The following RBFOX1 variants were observed in gnomAD, a reference collection of about 807,000 sequenced individuals.
The protein encoded by RBFOX1 is RNA binding protein fox-1 homolog 1.
A neutral mutation model predicts 57.7 loss-of-function variants in RBFOX1; 8 were observed. The ratio of observed to expected loss-of-function variants is 0.14; its 90% CI spans 0.08 to 0.25. The LOEUF (loss-of-function observed/expected upper bound fraction) is 0.25. Among genes scored for constraint, RBFOX1 ranks in the 10% least tolerant of loss-of-function variants. The pLI is 1.00. For synonymous variants in RBFOX1, 326 were observed against 222.4 expected (o/e 1.47, Z -4.15); for missense variants, 611 against 548.5 (o/e 1.11, Z -1.14).
chr16:7,158,058 T>C (rs925345974), intron 4 of RBFOX1, among the ~76,000 whole-genome samples: 4 of 152,170 alleles, frequency 2.6e-5, no homozygotes, highest in African/African-American at 7.2e-5. Context: ...CTTGAAAAAC[T>C]ACAGGGTTGG....
intron 4 of RBFOX1, among the ~76,000 whole-genome samples, chr16:7,212,938 G>A (rs1035664367): frequency 3.3e-5 from 5 of 152,254 alleles, no homozygotes; most frequent in Admixed American, 1.3e-4. Context: ...AGCTCTTACC[G>A]TGCCACTCAT....
chr16:7,248,334 G>T (rs1397947459), intron 4 of RBFOX1, among the ~76,000 whole-genome samples: 1 of 152,188 alleles, frequency 6.6e-6, no homozygotes, highest in Non-Finnish European at 1.5e-5. Context: ...GGACCGTGCT[G>T]TTGGCCATTT....
intron 3 of RBFOX1, among the ~76,000 whole-genome samples, chr16:6,855,858 CCTTTCTTCCCTG>C (rs1443017755): frequency 3.9e-5 from 2 of 51,004 alleles, no homozygotes; most frequent in Non-Finnish European, 7.4e-5. Context: ...TCCCTCCCTT[CCTTTCTTCCCTG>C]CTTTCTTCCC....
intron 1 of RBFOX1, among the ~76,000 whole-genome samples, chr16:6,114,587 G>C (rs2096480002): frequency 6.6e-6 from 1 of 152,126 alleles, no homozygotes; most frequent in African/African-American, 2.4e-5. Flanking sequence ...GTAACTTATG[G>C]ACTACTAACA....
intron 4 of RBFOX1, among the ~76,000 whole-genome samples, chr16:7,194,792 G>A (rs2086275178): frequency 6.6e-6 from 1 of 152,054 alleles, no homozygotes. Context: ...GCTGGACGTG[G>A]TGGTGCATGC....
chr16:6,936,884 A>G (rs745997266), intron 3 of RBFOX1, among the ~76,000 whole-genome samples: 2 of 140,296 alleles, frequency 1.4e-5, no homozygotes, highest in Admixed American at 1.6e-4. Context: ...TTTAAGATCC[A>G]TCAGCCAGAG....
intron 3 of RBFOX1, among the ~76,000 whole-genome samples, chr16:6,869,019 T>G (rs145168376): frequency 2.6e-5 from 4 of 152,144 alleles, no homozygotes; most frequent in African/African-American, 9.7e-5. Flanking sequence ...AAACAAAAGT[T>G]CCAGCCAACC....
intron 3 of RBFOX1, among the ~76,000 whole-genome samples, chr16:5,655,028 C>A (rs536530086): frequency 7.2e-5 from 11 of 152,308 alleles, no homozygotes; most frequent in African/African-American, 2.6e-4. Flanking sequence ...CGCTTCCTAC[C>A]CAGGAGTCCT....
chr16:5,679,997 A>T (rs1033604597), intron 3 of RBFOX1, among the ~76,000 whole-genome samples: 1 of 152,216 alleles, frequency 6.6e-6, no homozygotes, highest in African/African-American at 2.4e-5. Flanking sequence ...GAACAAAGGA[A>T]TATCTCCCTA....
At chr16:5,471,089 C>G (rs1401634242) in intron 2 of RBFOX1, among the ~76,000 whole-genome samples, 1 of 152,138 alleles carries the variant, frequency 6.6e-6, no homozygotes, top group African/African-American at 2.4e-5. Context: ...CGGCCTCGGT[C>G]TCCCAAAGTG....
At chr16:7,076,724 A>G (rs918124365) in intron 4 of RBFOX1, among the ~76,000 whole-genome samples, 5 of 152,214 alleles carry the variant, frequency 3.3e-5, no homozygotes, top group Non-Finnish European at 5.9e-5. Context: ...TCTAACCAAG[A>G]TGTTCACTCG....
chr16:7,229,182 C>A (rs1276806443), intron 4 of RBFOX1, among the ~76,000 whole-genome samples: 1 of 152,190 alleles, frequency 6.6e-6, no homozygotes, highest in African/African-American at 2.4e-5. Flanking sequence ...TTCTTTCATG[C>A]TTCAGAAAGC....
intron 3 of RBFOX1, among the ~76,000 whole-genome samples, chr16:6,680,460 T>G (rs564357667): frequency 6.6e-6 from 1 of 152,094 alleles, no homozygotes; most frequent in East Asian, 1.9e-4. Flanking sequence ...AGACGAGGTT[T>G]CACCATGTTA....
At chr16:6,922,597 A>G (rs970270598) in intron 3 of RBFOX1, among the ~76,000 whole-genome samples, 9 of 152,170 alleles carry the variant, frequency 5.9e-5, no homozygotes, top group African/African-American at 1.9e-4. Context: ...ATAAATGAAC[A>G]TGTGATTCTT....
intron 3 of RBFOX1, among the ~76,000 whole-genome samples, chr16:6,964,545 T>C (rs1027407632): frequency 1.3e-5 from 2 of 152,168 alleles, no homozygotes; most frequent in Non-Finnish European, 2.9e-5. Context: ...TATGCCTGTG[T>C]GGGGCCAGTG....
chr16:6,424,763 C>G (rs562396976), intron 2 of RBFOX1, among the ~76,000 whole-genome samples: 1 of 152,224 alleles, frequency 6.6e-6, no homozygotes, highest in African/African-American at 2.4e-5. Flanking sequence ...GTAATAATTC[C>G]TCTTCTAAGA....
In RBFOX1 at chr16:7,579,872, C is replaced by T. The variant is rs778138386; in HGVS notation, c.366C>T (p.Ser122=). The T allele has an allele frequency of 6.2e-7, 1 of 1,614,124 alleles. No homozygotes were observed. The highest frequency in any genetic ancestry group is 1.1e-5 in the South Asian group (1 of 91,074). ...NKSQPKRLHV[S]NIPFRFRDPD... is the part of the protein sequence containing the mutation. ...CTCAGCCCAAGCGGCTGCATGTCTC[C>T]AATATCCCCTTCAGGTTCCGGGATC... The change falls in exon 6 of 16, where the codon TCC becomes TCT. Residue 122 remains serine (S), a synonymous_variant. Coordinates refer to ENST00000550418, the MANE Select transcript of RBFOX1 (RefSeq NM_018723.4).
intron 2 of RBFOX1, among the ~76,000 whole-genome samples, chr16:6,500,896 T>TCTTTTTTGTTTGTTTGTTTG (rs796099960): frequency 7.0e-6 from 1 of 142,332 alleles, no homozygotes; most frequent in Non-Finnish European, 1.5e-5. Context: ...TTTTTTTTTT[T>TCTTTTTTGTTTGTTTGTTTG]TTTTTAATGC....
At chr16:6,637,116 T>A (rs1213428862) in intron 2 of RBFOX1, among the ~76,000 whole-genome samples, 3 of 96,058 alleles carry the variant, frequency 3.1e-5, no homozygotes, top group Non-Finnish European at 5.5e-5. Context: ...TTATATAATA[T>A]ATAAATTTAT....
Sources: allele counts gnomAD v4.1 joint callset (sites outside exome capture counted in the v4.1 genomes callset), GRCh38; gene constraint gnomAD v4.1.1; transcripts MANE v1.5; gene names NCBI Gene and HGNC (gene_info 2026-07-23, HGNC 2026-07-21).